The following TSC22D1 variants were observed in gnomAD, a reference collection of about 807,000 sequenced individuals.
TSC22D1 encodes the protein TSC22 domain family member 1.
TSC22D1 carries 9 observed loss-of-function variants against 74.2 expected under a neutral mutation model. The observed-to-expected ratio is 0.12, with a 90% CI of 0.07 to 0.21. The LOEUF is 0.21. Among genes scored for constraint, TSC22D1 ranks in the 10% least tolerant of loss-of-function variants. The probability of loss-of-function intolerance (pLI) is 1.00; values close to 1 mark genes in which losing one functional copy is unlikely to be tolerated. For synonymous variants in TSC22D1, 586 were observed against 492.5 expected (o/e 1.19, Z -2.51); for missense variants, 1,427 against 1,304.7 (o/e 1.09, Z -1.44).
chr13:44,520,928 A>G (rs945630328), intron 1 of TSC22D1, among the ~76,000 whole-genome samples: 1 of 152,212 alleles, frequency 6.6e-6, no homozygotes, highest in African/African-American at 2.4e-5. Flanking sequence ...TAAATGCTTT[A>G]CATATATTAG....
intron 1 of TSC22D1, among the ~76,000 whole-genome samples, chr13:44,563,031 G>A (rs1050760906): frequency 9.2e-5 from 14 of 151,718 alleles, no homozygotes; most frequent in African/African-American, 2.4e-4. Flanking sequence ...ATGAACCCGC[G>A]AGGGGAAGGT....
chr13:44,435,937 A>G (rs1475102098), intron 2 of TSC22D1, 107 bp downstream of exon 2: 1 of 1,167,426 alleles, frequency 8.6e-7, no homozygotes, highest in Non-Finnish European at 1.3e-6. Context: ...TACGCGCATC[A>G]AGAGCAATCA....
At position 44,452,250 on chromosome 13, in the gene TSC22D1, G is replaced by A. The variant is rs757988348; in HGVS notation, c.2913-16155C>T. Reference sequence around the variant, plus strand: ...AGGCAACCCCAATGTATAGCAAAAAGGAGTGGCAGAGTTGGTGGCAACTAC... The same window carrying A: ...AGGCAACCCCAATGTATAGCAAAAAAGAGTGGCAGAGTTGGTGGCAACTAC... On this transcript the variant is annotated intron_variant, in intron 1 of 2. Transcript: ENST00000458659. 5.3e-5 allele frequency among the ~76,000 whole-genome samples: 8 copies of A among 152,188 alleles called. No homozygotes were observed. The East Asian group carries it at 7.7e-4, about 15-fold the overall frequency.
intron 1 of TSC22D1, chr13:44,538,446 T>C (rs1881279230): frequency 3.0e-6 from 3 of 985,430 alleles, no homozygotes; most frequent in Non-Finnish European, 3.6e-6. Context: ...CATTAAGTTT[T>C]CTGGACTTCC....
chr13:44,551,310 G>GGTGTGTGTGTGTGTGT (rs370742852), intron 1 of TSC22D1, among the ~76,000 whole-genome samples: 2 of 132,858 alleles, frequency 1.5e-5, no homozygotes, highest in African/African-American at 5.9e-5. Context: ...ATCAGCTGGG[G>GGTGTGTGTGTGTGTGT]GTGTGTGTGT....
chr13:44,495,085 G>C (rs1177785663), intron 1 of TSC22D1, among the ~76,000 whole-genome samples: 1 of 151,904 alleles, frequency 6.6e-6, no homozygotes, highest in Non-Finnish European at 1.5e-5. Context: ...AAAGAATGAA[G>C]AAAAATGAAT....
intron 1 of TSC22D1, chr13:44,436,821 T>G: frequency 7.3e-7 from 1 of 1,363,738 alleles, no homozygotes; most frequent in Non-Finnish European, 9.4e-7. Context: ...GAAGAGGCGC[T>G]TCCCAGATCC....
Position 44,434,041 on chromosome 13 carries a change from T to C in TSC22D1, c.*585A>G, listed in dbSNP as rs755180397. On this transcript the variant is annotated 3_prime_UTR_variant, in exon 3 of 3. Coordinates refer to ENST00000458659, the MANE Select transcript of TSC22D1 (RefSeq NM_183422.4). The stretch of plus-strand genomic sequence containing the variant: ...TAGGTCCCAGCTACCTGTCACCATT[T>C]TGTCACTCTCATAGTTTTGTGTCAT... 5 of 1,533,376 alleles carry C rather than the reference T, an allele frequency of 3.3e-6. No homozygotes were observed. The East Asian group carries it at 7.3e-5, about 22-fold the overall frequency. 95.0% of individuals were successfully genotyped at this position (1,533,376 alleles called of 1,614,324 possible).
intron 1 of TSC22D1, chr13:44,539,221 T>C: frequency 1.0e-6 from 1 of 985,234 alleles, no homozygotes; most frequent in Non-Finnish European, 1.2e-6. Context: ...TACTTATGTT[T>C]TATTAAAGAA....
rs1165486289 is a variant in TSC22D1 at position 44,432,574 on chromosome 13, G to A, written c.*2052C>T. On this transcript the variant is annotated 3_prime_UTR_variant, in exon 3 of 3. Coordinates refer to ENST00000458659, the MANE Select transcript of TSC22D1 (RefSeq NM_183422.4). The stretch of plus-strand genomic sequence containing the variant: ...TCCATCATTTCAACAGGATGCCCGT[G>A]TCACCACTTTATAACACATGCACGC... The A allele has an allele frequency of 6.6e-6, 1 of 152,100 alleles. No individual in the cohort carries two copies. Among genetic ancestry groups the A allele is most frequent in the Non-Finnish European group, 1.5e-5 (1 of 68,028 alleles). The allele number at this position is 152,100 out of a possible 1,614,324, so 9.4% of individuals were successfully genotyped here.
chr13:44,546,306 G>C (rs1881821828), intron 1 of TSC22D1, among the ~76,000 whole-genome samples: 2 of 152,174 alleles, frequency 1.3e-5, no homozygotes, highest in Admixed American at 6.5e-5. Flanking sequence ...ACAGTAACTT[G>C]ATAGTTTAGA....
chr13:44,542,640 T>C (rs559017926), intron 1 of TSC22D1, among the ~76,000 whole-genome samples: 11 of 152,236 alleles, frequency 7.2e-5, no homozygotes, highest in African/African-American at 2.6e-4. Flanking sequence ...TCAACACTCA[T>C]ACTCAGAAAT....
rs754935678 is a variant in TSC22D1, at chr13:44,574,054, G to T, written c.2021C>A (p.Ser674Tyr). The change falls in exon 1 of 3, where the codon TCT becomes TAT. Residue 674 changes from serine to tyrosine, a missense_variant. Transcript: ENST00000458659. ...QTAMSSGQPS[S>Y]AGVGAGTTVI... ...TGTTGTTCCTGCTCCTACTCCTGCA[G>T]AACTGGGCTGTCCGGAGGACATTGC... The T allele has an allele frequency of 3.7e-6, 6 of 1,614,088 alleles. No homozygotes were observed. In the African/African-American group the frequency reaches 4.0e-5, roughly 11 times the overall value.
At chr13:44,443,602 T>G (rs959650362) in intron 1 of TSC22D1, among the ~76,000 whole-genome samples, 2 of 152,202 alleles carry the variant, frequency 1.3e-5, no homozygotes, top group Non-Finnish European at 1.5e-5. Flanking sequence ...TAGTCCCAGC[T>G]TCTCAAAAGG....
chr13:44,509,241 G>A (rs1879574862), intron 1 of TSC22D1, among the ~76,000 whole-genome samples: 1 of 152,202 alleles, frequency 6.6e-6, no homozygotes, highest in Middle Eastern at 3.2e-3. Context: ...CTGAAGCCAA[G>A]ATTATTACGC....
chr13:44,558,466 G>A (rs191464714), intron 1 of TSC22D1, among the ~76,000 whole-genome samples: 4 of 152,258 alleles, frequency 2.6e-5, no homozygotes, highest in South Asian at 2.1e-4. Context: ...CAGGCTGGGC[G>A]TGGTGGCTCA....
chr13:44,434,578 G>C lies in TSC22D1; in HGVS notation c.*48C>G, dbSNP rs538192755. On this transcript the variant is annotated 3_prime_UTR_variant, in exon 3 of 3. Coordinates refer to ENST00000458659, the MANE Select transcript of TSC22D1 (RefSeq NM_183422.4). ...AGATTCTCCCTAGCACATCTTCTCCGTCTGTTCAGTTCACACGCAGCAGCC... is the reference window on the plus strand; with the variant it reads ...AGATTCTCCCTAGCACATCTTCTCCCTCTGTTCAGTTCACACGCAGCAGCC... The C allele has an allele frequency of 6.7e-7, 1 of 1,499,686 alleles. No homozygotes were observed. 92.9% of individuals were successfully genotyped at this position (1,499,686 alleles called of 1,614,324 possible).
Position 44,573,824 on chromosome 13 carries a change from G to A in TSC22D1, c.2251C>T (p.Pro751Ser), listed in dbSNP as rs1307977878. The A allele has an allele frequency of 6.2e-7, 1 of 1,614,104 alleles. No individual in the cohort carries two copies. The highest frequency in any genetic ancestry group is 1.3e-5 in the African/African-American group (1 of 74,946). ...AVQQPSTQVP[P>S]SVIQQGAPPS... is the part of the protein sequence containing the mutation. Reference sequence around the variant, plus strand: ...GGAGCACCCTGCTGAATAACTGAAGGTGGAACCTGGGTAGAGGGCTGCTGC... The same window carrying A: ...GGAGCACCCTGCTGAATAACTGAAGATGGAACCTGGGTAGAGGGCTGCTGC... Residue 751 changes from proline to serine, a missense_variant, in exon 1 of 3, where the codon CCT (proline) becomes TCT (serine). By Grantham distance (74) the Pro-to-Ser change is moderately conservative (BLOSUM62 -1). Coordinates refer to ENST00000458659, the MANE Select transcript of TSC22D1 (RefSeq NM_183422.4).
At chr13:44,498,863 C>G (rs957178699) in intron 1 of TSC22D1, among the ~76,000 whole-genome samples, 1 of 152,062 alleles carries the variant, frequency 6.6e-6, no homozygotes, top group African/African-American at 2.4e-5. Context: ...AAAACAAGAG[C>G]TTTTGACATG....
Sources: allele counts gnomAD v4.1 joint callset (sites outside exome capture counted in the v4.1 genomes callset), GRCh38; gene constraint gnomAD v4.1.1; transcripts MANE v1.5; gene names NCBI Gene and HGNC (gene_info 2026-07-23, HGNC 2026-07-21).